The following ST6GAL1 variants were observed in gnomAD, a reference collection of about 807,000 sequenced individuals.
ST6GAL1 encodes the protein beta-galactoside alpha-2,6-sialyltransferase 1.
In ST6GAL1, 20 loss-of-function variants were observed where a neutral mutation model predicts 38.0. The ratio of observed to expected loss-of-function variants is 0.53; its 90% CI spans 0.37 to 0.77. ST6GAL1 has a LOEUF of 0.77. Among genes scored for constraint, ST6GAL1 ranks in the 30% least tolerant of loss-of-function variants. ST6GAL1 has a pLI of 0.00. For synonymous variants in ST6GAL1, 196 were observed against 188.2 expected (o/e 1.04, Z -0.34); for missense variants, 432 against 496.4 (o/e 0.87, Z 1.23).
intron 5 of ST6GAL1, chr3:187,072,427 G>A: frequency 3.9e-6 from 1 of 255,398 alleles, no homozygotes; most frequent in South Asian, 4.9e-5. Context: ...GTCTCCATCA[G>A]GATGTGTATG....
chr3:187,016,270 C>T (rs565174640), intron 2 of ST6GAL1, among the ~76,000 whole-genome samples: 5 of 152,196 alleles, frequency 3.3e-5, no homozygotes, highest in African/African-American at 4.8e-5. Context: ...ATTCATCAAG[C>T]GCCACTTGCC....
intron 1 of ST6GAL1, among the ~76,000 whole-genome samples, chr3:186,945,380 C>G (rs961672380): frequency 6.6e-6 from 1 of 151,850 alleles, no homozygotes; most frequent in Non-Finnish European, 1.5e-5. Context: ...ATTTTACACT[C>G]AAATTACTTT....
intron 5 of ST6GAL1, 172 bp from the exon 6 acceptor site, chr3:187,072,677 C>G: frequency 1.5e-6 from 1 of 682,704 alleles, no homozygotes. Flanking sequence ...CAACACAGTG[C>G]AGGCTGGTAT....
chr3:186,975,804 G>T (rs995390379), intron 2 of ST6GAL1, among the ~76,000 whole-genome samples: 1 of 152,212 alleles, frequency 6.6e-6, no homozygotes, highest in African/African-American at 2.4e-5. Context: ...GAGTGAGGCT[G>T]GCACTGAAGG....
chr3:187,067,652 T>C (rs1369999834), intron 5 of ST6GAL1, among the ~76,000 whole-genome samples: 1 of 152,132 alleles, frequency 6.6e-6, no homozygotes, highest in Non-Finnish European at 1.5e-5. Context: ...ATGGCTGTTT[T>C]TCCATTGGAT....
At chr3:187,039,317 G>C (rs1344148117) in intron 3 of ST6GAL1, among the ~76,000 whole-genome samples, 1 of 152,172 alleles carries the variant, frequency 6.6e-6, no homozygotes, top group Non-Finnish European at 1.5e-5. Flanking sequence ...AAGATTCTCT[G>C]ATACAATTGC....
In ST6GAL1 at chr3:187,075,558, C is replaced by G. The variant is rs1406895230; in HGVS notation, c.980-4C>G. The G allele has an allele frequency of 4.3e-6, 7 of 1,613,980 alleles. No homozygotes were observed. Among genetic ancestry groups the G allele is most frequent in the Admixed American group, 1.7e-5 (1 of 60,022 alleles). On this transcript the variant is annotated splice_region_variant and splice_polypyrimidine_tract_variant and intron_variant, in intron 7 of 7. Transcript: ENST00000169298. This position sits in a 1 kb window ranked among gnomAD's most constrained non-coding sequence, Gnocchi z 4.1. ...GCATGACTCACCTCTGCTCCCCTCT[C>G]CAGGTATCATCATCATGATGACGCT...
intron 2 of ST6GAL1, among the ~76,000 whole-genome samples, chr3:186,973,906 C>T (rs555143440): frequency 6.6e-6 from 1 of 152,182 alleles, no homozygotes; most frequent in Non-Finnish European, 1.5e-5. Context: ...GCACTGTGAA[C>T]ACATGAGCCA....
intron 2 of ST6GAL1, among the ~76,000 whole-genome samples, chr3:186,992,778 A>C (rs2006257): frequency 0.23 from 35,526 of 152,126 alleles, 4,346 homozygotes; most frequent in East Asian, 0.37. Flanking sequence ...CTTGGGCAAC[A>C]GAGTGAGACT....
intron 5 of ST6GAL1, among the ~76,000 whole-genome samples, chr3:187,057,088 T>C (rs191490399): frequency 2.6e-4 from 39 of 152,360 alleles, no homozygotes; most frequent in Admixed American, 7.2e-4. Context: ...TTCCACTTGA[T>C]CGCATTGGCT....
chr3:186,984,246 G>A (rs1290180304), intron 2 of ST6GAL1, among the ~76,000 whole-genome samples: 1 of 152,186 alleles, frequency 6.6e-6, no homozygotes, highest in Non-Finnish European at 1.5e-5. Context: ...TAAGCCATGA[G>A]CATCGCTCAC....
intron 1 of ST6GAL1, among the ~76,000 whole-genome samples, chr3:186,941,107 G>T (rs1036541330): frequency 6.6e-6 from 1 of 152,142 alleles, no homozygotes; most frequent in Non-Finnish European, 1.5e-5. Context: ...GCCTGGTTTG[G>T]TGTCCTCAGC....
At chr3:186,955,011 G>C (rs2108522806) in intron 1 of ST6GAL1, among the ~76,000 whole-genome samples, 1 of 152,280 alleles carries the variant, frequency 6.6e-6, no homozygotes, top group East Asian at 1.9e-4. Flanking sequence ...TTTTGGGTAA[G>C]GTATAAGGAA....
intron 1 of ST6GAL1, among the ~76,000 whole-genome samples, chr3:186,958,644 G>T (rs1714824554): frequency 6.6e-6 from 1 of 152,100 alleles, no homozygotes. Flanking sequence ...GGTGTGTGTT[G>T]CTTTGATTTA....
At chr3:187,066,788 C>CTTA (rs1333617660) in intron 5 of ST6GAL1, among the ~76,000 whole-genome samples, 1 of 152,116 alleles carries the variant, frequency 6.6e-6, no homozygotes, top group Non-Finnish European at 1.5e-5. Flanking sequence ...CTGCCAATGA[C>CTTA]TTATTCTCAG....
intron 2 of ST6GAL1, among the ~76,000 whole-genome samples, chr3:186,991,570 G>A (rs1716169016): frequency 6.6e-6 from 1 of 152,084 alleles, no homozygotes; most frequent in South Asian, 2.1e-4. Flanking sequence ...TTCCTCCCTG[G>A]ATGGACTGAT....
intron 5 of ST6GAL1, among the ~76,000 whole-genome samples, chr3:187,060,886 AG>A (rs1221556477): frequency 6.6e-6 from 1 of 152,224 alleles, no homozygotes; most frequent in East Asian, 1.9e-4. Context: ...GCAATTCAGA[AG>A]TTTTAAATGA....
intron 2 of ST6GAL1, among the ~76,000 whole-genome samples, chr3:186,991,058 C>G (rs1380265497): frequency 6.6e-6 from 1 of 152,052 alleles, no homozygotes; most frequent in Non-Finnish European, 1.5e-5. Flanking sequence ...TTTTCTTTTT[C>G]TCATGTGGTC....
chr3:187,035,309 T>C (rs977857440), intron 2 of ST6GAL1, among the ~76,000 whole-genome samples: 6 of 152,184 alleles, frequency 3.9e-5, no homozygotes, highest in Non-Finnish European at 5.9e-5. Flanking sequence ...ATCAATATCA[T>C]TAAAACAGCC....
Sources: gnomAD v4.1 joint callset for allele counts (sites outside exome capture counted in the v4.1 genomes callset) on GRCh38, gnomAD v4.1.1 for gene constraint, Gnocchi (gnomAD v3.1) non-coding constraint, MANE v1.5 for transcripts, NCBI Gene and HGNC (gene_info 2026-07-23, HGNC 2026-07-21) for gene names.